The following SRBD1 variants were observed in gnomAD, a reference collection of about 807,000 sequenced individuals.
The protein encoded by SRBD1 is S1 RNA binding domain 1.
Under a neutral mutation model 115.3 loss-of-function variants are expected in SRBD1, and 88 were observed. The ratio of observed to expected loss-of-function variants is 0.76; its 90% CI spans 0.64 to 0.91. The LOEUF is 0.91. SRBD1 is among the 40% of genes least tolerant of loss of function. The pLI, the probability that SRBD1 is intolerant of heterozygous loss-of-function variation, is 0.00. For missense variants in SRBD1, 1,385 were observed against 1,177.4 expected (o/e 1.18, Z -2.58); for synonymous variants, 509 against 407.7 (o/e 1.25, Z -2.99).
chr2:45,463,478 T>G (rs7580598), intron 16 of SRBD1, among the ~76,000 whole-genome samples: 8,205 of 152,260 alleles, frequency 0.054, 684 homozygotes, highest in African/African-American at 0.18. Context: ...ATAGCAAGTA[T>G]CAGATATTCA....
At chr2:45,505,477 T>G (rs531252447) in intron 14 of SRBD1, among the ~76,000 whole-genome samples, 1 of 152,108 alleles carries the variant, frequency 6.6e-6, no homozygotes, top group African/African-American at 2.4e-5. Flanking sequence ...TAAGGGAAAA[T>G]AGCTGAGCAC....
chr2:45,573,941 G>C (rs1324617638), intron 8 of SRBD1, among the ~76,000 whole-genome samples: 1 of 152,186 alleles, frequency 6.6e-6, no homozygotes, highest in Non-Finnish European at 1.5e-5. Context: ...CAAACAGCTA[G>C]ATATGTGGAG....
chr2:45,546,540 A>C (rs113796510), intron 14 of SRBD1, among the ~76,000 whole-genome samples, 192 bp downstream of exon 14: 1 of 152,330 alleles, frequency 6.6e-6, no homozygotes, highest in Non-Finnish European at 1.5e-5. Context: ...TCCTGCTCTA[A>C]TCATTCCTGT....
chr2:45,609,203 A>G lies in SRBD1; in HGVS notation c.-1+2016T>C, dbSNP rs1037171030. Among the ~76,000 whole-genome samples, 4 of 152,246 alleles carry G rather than the reference A, an allele frequency of 2.6e-5. No individual in the cohort carries two copies. In the East Asian group the frequency reaches 5.8e-4, roughly 22 times the overall value. On this transcript the variant is annotated intron_variant, in intron 1 of 20. Transcript: ENST00000263736. ...ATTTGATGTTTTGACATATGTATAC[A>G]TATCACTACAATCAAGAAAATGAAC...
chr2:45,525,933 A>G (rs1371246980), intron 14 of SRBD1, among the ~76,000 whole-genome samples: 2 of 152,078 alleles, frequency 1.3e-5, no homozygotes, highest in Admixed American at 1.3e-4. Flanking sequence ...ACTACTTCAT[A>G]CCCATTAAGA....
chr2:45,596,954 A>C, intron 4 of SRBD1, among the ~76,000 whole-genome samples: 1 of 144,028 alleles, frequency 6.9e-6, no homozygotes, highest in Admixed American at 6.9e-5. Context: ...ACACACACCC[A>C]CAACCCTAAC....
intron 1 of SRBD1, among the ~76,000 whole-genome samples, chr2:45,610,551 G>C (rs753517926): frequency 4.7e-4 from 71 of 152,278 alleles, no homozygotes; most frequent in Non-Finnish European, 6.2e-4. Context: ...GACTAGTCTC[G>C]TTTCCCATTC....
intron 4 of SRBD1, among the ~76,000 whole-genome samples, chr2:45,591,415 A>G (rs796790271): frequency 5.9e-5 from 9 of 152,184 alleles, no homozygotes; most frequent in African/African-American, 2.2e-4. Context: ...TTTCAGGGAG[A>G]CTGATTTGAG....
At chr2:45,439,005 A>T (rs924324137) in intron 16 of SRBD1, among the ~76,000 whole-genome samples, 1 of 152,198 alleles carries the variant, frequency 6.6e-6, no homozygotes, top group Non-Finnish European at 1.5e-5. Context: ...CATGTTATAT[A>T]TGGAGGAACA....
At chr2:45,475,621 C>T (rs1034717656) in intron 16 of SRBD1, among the ~76,000 whole-genome samples, 1 of 152,166 alleles carries the variant, frequency 6.6e-6, no homozygotes. Context: ...CACTATCTTG[C>T]CAAGATGCTC....
intron 5 of SRBD1, among the ~76,000 whole-genome samples, chr2:45,583,995 C>T (rs1056170495): frequency 1.3e-5 from 2 of 152,146 alleles, no homozygotes; most frequent in African/African-American, 4.8e-5. Flanking sequence ...TTAGACTACC[C>T]TTTAATTTTT....
At chr2:45,578,995 A>G (rs908628533) in intron 7 of SRBD1, among the ~76,000 whole-genome samples, 2 of 152,172 alleles carry the variant, frequency 1.3e-5, no homozygotes, top group African/African-American at 4.8e-5. Context: ...TTAACTATAT[A>G]ATTTTTTAAT....
intron 14 of SRBD1, among the ~76,000 whole-genome samples, chr2:45,533,725 A>T (rs1572743750): frequency 6.6e-6 from 1 of 152,176 alleles, no homozygotes; most frequent in East Asian, 1.9e-4. Context: ...AAAAACACTG[A>T]TACAATCCCA....
intron 11 of SRBD1, among the ~76,000 whole-genome samples, chr2:45,553,261 T>C (rs779315680): frequency 6.6e-6 from 1 of 152,158 alleles, no homozygotes; most frequent in Non-Finnish European, 1.5e-5. Context: ...ATAACTCCCA[T>C]TTGGAGTTAA....
At chr2:45,532,283 T>C (rs1164885047) in intron 14 of SRBD1, among the ~76,000 whole-genome samples, 2 of 151,808 alleles carry the variant, frequency 1.3e-5, no homozygotes, top group Non-Finnish European at 2.9e-5. Flanking sequence ...GCTGAAACAT[T>C]TGACAGACAG....
At chr2:45,593,116 G>T (rs1366672017) in intron 4 of SRBD1, among the ~76,000 whole-genome samples, 1 of 152,118 alleles carries the variant, frequency 6.6e-6, no homozygotes, top group Non-Finnish European at 1.5e-5. Context: ...AGAATTTTTT[G>T]TACTTCTAAG....
intron 14 of SRBD1, among the ~76,000 whole-genome samples, chr2:45,527,934 A>G (rs1039737075): frequency 6.6e-6 from 1 of 151,952 alleles, no homozygotes; most frequent in African/African-American, 2.4e-5. Context: ...AGGGCACTTA[A>G]ATGGAAGCCA....
chr2:45,432,529 T>TA (rs1668371927), intron 16 of SRBD1, among the ~76,000 whole-genome samples: 1 of 152,186 alleles, frequency 6.6e-6, no homozygotes, highest in African/African-American at 2.4e-5. Context: ...AAAAATCATA[T>TA]GTATTCCATG....
intron 19 of SRBD1, among the ~76,000 whole-genome samples, chr2:45,407,677 A>T (rs1225337519): frequency 6.6e-6 from 1 of 152,236 alleles, no homozygotes; most frequent in Non-Finnish European, 1.5e-5. Flanking sequence ...CACTGAACTC[A>T]TCTTAGAGAT....
Sources: allele counts gnomAD v4.1 joint callset (sites outside exome capture counted in the v4.1 genomes callset), GRCh38; gene constraint gnomAD v4.1.1; transcripts MANE v1.5; gene names NCBI Gene and HGNC (gene_info 2026-07-23, HGNC 2026-07-21).